CCDC15: variants seen among roughly 807,000 people sequenced by gnomAD.
CCDC15 encodes coiled-coil domain containing 15, also known as coiled-coil domain-containing protein 15.
CCDC15 carries 105 observed loss-of-function variants against 114.5 expected under a neutral mutation model. The ratio of observed to expected loss-of-function variants is 0.92; its 90% CI spans 0.78 to 1.08. The LOEUF (loss-of-function observed/expected upper bound fraction) is 1.08, where lower values mean the gene tolerates loss of function less well. Among genes scored for constraint, CCDC15 ranks in the 50% least tolerant of loss-of-function variants. The pLI, the probability that CCDC15 is intolerant of heterozygous loss-of-function variation, is 0.00. For missense variants in CCDC15, 1,105 were observed against 1,093.6 expected, an observed-to-expected ratio of 1.01 and a Z score of -0.15; for synonymous variants, 334 against 377.8, an observed-to-expected ratio of 0.88 and a Z score of 1.34.
At chr11:124,970,916 G>A (rs1014949215) in intron 4 of CCDC15, among the ~76,000 whole-genome samples, 10 of 152,246 alleles carry the variant, frequency 6.6e-5, no homozygotes, top group East Asian at 1.9e-4. Context: ...ACAAAGAAGT[G>A]CTTTTGCTAA....
chr11:125,013,432 G>T lies in CCDC15; in HGVS notation c.2411+8220G>T, dbSNP rs1314213357. Among the ~76,000 whole-genome samples, 6 of 152,158 alleles carry T rather than the reference G, an allele frequency of 3.9e-5. No homozygotes were observed. The East Asian group carries it at 9.6e-4, about 24-fold the overall frequency. On this transcript the variant is annotated intron_variant, in intron 13 of 15. Transcript: ENST00000344762. ...CTATAATCTTATAAAGACCAGTCTG[G>T]CAGCTGCATATAGAATAATCTAAAA...
intron 11 of CCDC15, among the ~76,000 whole-genome samples, chr11:124,998,931 G>A (rs932171193): frequency 6.6e-6 from 1 of 151,764 alleles, no homozygotes; most frequent in African/African-American, 2.4e-5. Flanking sequence ...TAGAGAAGGG[G>A]TTTCGCCATG....
intron 2 of CCDC15, among the ~76,000 whole-genome samples, chr11:124,957,185 T>C (rs1483090549): frequency 6.6e-6 from 1 of 152,180 alleles, no homozygotes; most frequent in Non-Finnish European, 1.5e-5. Context: ...TTCTGCCCCA[T>C]AGTGTCTGGG....
Position 125,039,092 on chromosome 11 carries a change from C to G in CCDC15, c.2734+23C>G, listed in dbSNP as rs1200692481. 3.2e-6 allele frequency: 5 copies of G among 1,563,676 alleles called. No homozygotes were observed. The Admixed American group carries it at 5.6e-5, about 17-fold the overall frequency. ...GAGGTAAGTTTCTTGAAGGAATAGT[C>G]AGGGCCTAATGGCAACAAGAAAAAT... On this transcript the variant is annotated intron_variant, in intron 15 of 15. Coordinates refer to ENST00000344762, the MANE Select transcript of CCDC15 (RefSeq NM_025004.3).
chr11:125,029,721 G>T (rs56755053), intron 13 of CCDC15, among the ~76,000 whole-genome samples: 21,860 of 152,160 alleles, frequency 0.14, 1,731 homozygotes, highest in Non-Finnish European at 0.16. Context: ...GAGAGTCTTG[G>T]TTTTTTTCCT....
At position 124,997,562 on chromosome 11, in the gene CCDC15, T is replaced by G. The variant is rs1394982979; in HGVS notation, c.2214+4319T>G. Reference sequence around the variant, plus strand: ...CCTCAGCCTCCCAAAGTGTTAGGATTGCAGGTGTGAGCCACTGCTCCTGGC... The same window carrying G: ...CCTCAGCCTCCCAAAGTGTTAGGATGGCAGGTGTGAGCCACTGCTCCTGGC... On this transcript the variant is annotated intron_variant, in intron 11 of 15. Coordinates refer to ENST00000344762, the MANE Select transcript of CCDC15 (RefSeq NM_025004.3). Among the ~76,000 whole-genome samples the G allele has an allele frequency of 2.0e-5, 3 of 152,324 alleles. No homozygotes were observed. The East Asian group carries it at 5.8e-4, about 29-fold the overall frequency.
chr11:125,038,587 A>T lies in CCDC15; in HGVS notation c.2568A>T (p.Arg856Ser). The T allele has an allele frequency of 1.9e-6, 3 of 1,569,136 alleles. No homozygotes were observed. The highest frequency in any genetic ancestry group is 2.6e-6 in the Non-Finnish European group (3 of 1,160,870). ...EIKGTREKQQREKEYLRYVEA... is the reference protein window; with the variant it reads ...EIKGTREKQQSEKEYLRYVEA... ...AAGGAACCAGAGAAAAACAACAGAGAGAAAAAGAATACCTGAGGTAATTTG... is the reference window on the plus strand; with the variant it reads ...AAGGAACCAGAGAAAAACAACAGAGTGAAAAAGAATACCTGAGGTAATTTG... Residue 856 changes from arginine (R) to serine (S), a missense_variant, in exon 14 of 16, where the codon AGA (arginine) becomes AGT (serine). Coordinates refer to ENST00000344762, the MANE Select transcript of CCDC15 (RefSeq NM_025004.3).
chr11:124,962,366 A>G (rs2135434027), intron 4 of CCDC15, among the ~76,000 whole-genome samples: 1 of 152,374 alleles, frequency 6.6e-6, no homozygotes, highest in South Asian at 2.1e-4. Context: ...TTCATCTGAC[A>G]TGTTGAAACA....
chr11:124,982,785 T>C (rs35011055), intron 6 of CCDC15, among the ~76,000 whole-genome samples: 30,842 of 152,142 alleles, frequency 0.2, 3,720 homozygotes, highest in African/African-American at 0.33. Flanking sequence ...TCTTCTTCTT[T>C]TGTAGTATTT....
rs770268494 is a variant in CCDC15, at chr11:124,988,042, C to A, written c.1816C>A (p.Arg606=). The A allele has an allele frequency of 3.1e-6, 5 of 1,613,776 alleles. No homozygotes were observed. The South Asian group carries it at 5.5e-5, about 18-fold the overall frequency. ...AAATATTCTACCCATATGTCAGGACCGGGATTTTCTACCCAGAGACCTGCA... is the reference window on the plus strand; with the variant it reads ...AAATATTCTACCCATATGTCAGGACAGGGATTTTCTACCCAGAGACCTGCA... ...DQNILPICQD[R]DFLPRDLHVL... Residue 606 remains arginine (R), a synonymous_variant, in exon 8 of 16, where the codon CGG becomes AGG. Transcript: ENST00000344762.
rs1264811668 is a variant in CCDC15 at position 124,959,137 on chromosome 11, A to G, written c.200A>G (p.Glu67Gly). 6.4e-7 allele frequency: 1 copy of G among 1,573,056 alleles called. No homozygotes were observed. Among genetic ancestry groups the G allele is most frequent in the Non-Finnish European group, 8.6e-7 (1 of 1,163,246 alleles). ...PAYTSAYLIEEELKEQLRKKQ... is the reference protein window; with the variant it reads ...PAYTSAYLIEGELKEQLRKKQ... Reference sequence around the variant, plus strand: ...AAGACATCAGCATATTTAATTGAAGAAGAACTAAAGGAACAGCTAAGAAAA... The same window carrying G: ...AAGACATCAGCATATTTAATTGAAGGAGAACTAAAGGAACAGCTAAGAAAA... Residue 67 changes from glutamate to glycine, a missense_variant, in exon 3 of 16, where the codon GAA becomes GGA. Transcript: ENST00000344762.
intron 15 of CCDC15, among the ~76,000 whole-genome samples, chr11:125,040,294 C>G (rs1354832459): frequency 6.6e-6 from 1 of 152,126 alleles, no homozygotes; most frequent in Non-Finnish European, 1.5e-5. Flanking sequence ...GCCTCAGCCT[C>G]CCAAAGTGCT....
chr11:125,010,748 T>C (rs1948585158), intron 13 of CCDC15, among the ~76,000 whole-genome samples: 1 of 152,194 alleles, frequency 6.6e-6, no homozygotes, highest in Non-Finnish European at 1.5e-5. Context: ...CTGTAGGTTG[T>C]CTGTTTATGC....
chr11:125,014,365 CA>C (rs1187677395), intron 13 of CCDC15, among the ~76,000 whole-genome samples: 8 of 152,150 alleles, frequency 5.3e-5, no homozygotes, highest in Admixed American at 2.6e-4. Context: ...AGTATTCAAT[CA>C]AAAGTTTCTA....
chr11:125,028,862 G>C (rs540071193), intron 13 of CCDC15, among the ~76,000 whole-genome samples: 1 of 151,994 alleles, frequency 6.6e-6, no homozygotes, highest in African/African-American at 2.4e-5. Flanking sequence ...TGTTAGTCAG[G>C]GTTCTCTAGA....
intron 1 of CCDC15, 118 bp downstream of exon 1, chr11:124,954,488 C>T (rs1287756673): frequency 2.9e-6 from 1 of 343,740 alleles, no homozygotes; most frequent in Non-Finnish European, 5.6e-6. Context: ...TCTTCCCTCT[C>T]ATCGCCATTT....
rs182572979 is a variant in CCDC15 at position 124,992,544 on chromosome 11, C to G, written c.2032-36C>G. On this transcript the variant is annotated intron_variant, in intron 9 of 15. Coordinates refer to ENST00000344762, the MANE Select transcript of CCDC15 (RefSeq NM_025004.3). Reference sequence around the variant, plus strand: ...TGATTAGCATTACACAATTTTTTTTCTGTTGTTGTTTTTCCTTTAAAATAT... The same window carrying G: ...TGATTAGCATTACACAATTTTTTTTGTGTTGTTGTTTTTCCTTTAAAATAT... 7.0e-6 allele frequency: 9 copies of G among 1,277,294 alleles called. 1 individual carries two copies. The East Asian group carries it at 2.2e-4, about 32-fold the overall frequency. 79.1% of individuals were successfully genotyped at this position (1,277,294 alleles called of 1,614,324 possible).
At position 124,986,703 on chromosome 11, in the gene CCDC15, G is replaced by A. The variant is rs757453582; in HGVS notation, c.754-39G>A. On this transcript the variant is annotated intron_variant, in intron 6 of 15. Coordinates refer to ENST00000344762, the MANE Select transcript of CCDC15 (RefSeq NM_025004.3). The stretch of plus-strand genomic sequence containing the variant: ...TGTGTGTGTGTGTTTGTGTGTGTGC[G>A]CGCGCGCGCGTGCGCGTTTTCATTG... 402 of 1,478,134 alleles carry A rather than the reference G, an allele frequency of 2.7e-4. 21 individuals are homozygous for A. In the South Asian group the frequency reaches 4.9e-3, roughly 18 times the overall value. 91.6% of individuals were successfully genotyped at this position (1,478,134 alleles called of 1,614,324 possible).
chr11:125,028,733 A>T (rs192327780), intron 13 of CCDC15, among the ~76,000 whole-genome samples: 645 of 152,280 alleles, frequency 4.2e-3, no homozygotes, highest in Non-Finnish European at 7.9e-3. Context: ...TGATCATATC[A>T]TCAGCAAACA....
Sources: allele counts gnomAD v4.1 joint callset (sites outside exome capture counted in the v4.1 genomes callset), GRCh38; gene constraint gnomAD v4.1.1; transcripts MANE v1.5; gene names NCBI Gene and HGNC (gene_info 2026-07-23, HGNC 2026-07-21).